The following BDNF variants were observed in gnomAD, a reference collection of about 807,000 sequenced individuals.
BDNF encodes the protein neurotrophic factor BDNF precursor form.
A neutral mutation model predicts 19.5 loss-of-function variants in BDNF; 1 was observed. The ratio of observed to expected loss-of-function variants is 0.05; its 90% CI spans 0.02 to 0.24. The LOEUF (loss-of-function observed/expected upper bound fraction) is 0.24, where lower values mean the gene tolerates loss of function less well. Ranked by LOEUF, BDNF falls within the 10% of genes least tolerant of loss-of-function variation. The pLI is 1.00. For missense variants in BDNF, 195 were observed against 317.6 expected, an observed-to-expected ratio of 0.61 and a Z score of 2.93; for synonymous variants, 100 against 121.6, an observed-to-expected ratio of 0.82 and a Z score of 1.17.
At chr11:27,698,541 C>T (rs1859461808) in intron 1 of BDNF, among the ~76,000 whole-genome samples, 1 of 151,962 alleles carries the variant, frequency 6.6e-6, no homozygotes, top group Non-Finnish European at 1.5e-5. Flanking sequence ...AATTGTAAGA[C>T]CAAAATGGCT....
At chr11:27,672,314 C>G (rs1217511002) in intron 1 of BDNF, among the ~76,000 whole-genome samples, 1 of 152,164 alleles carries the variant, frequency 6.6e-6, no homozygotes, top group African/African-American at 2.4e-5. Context: ...GATCCCTGAA[C>G]ATAGCCTAAT....
At chr11:27,714,050 A>G (rs1276842195) in intron 1 of BDNF, among the ~76,000 whole-genome samples, 1 of 152,254 alleles carries the variant, frequency 6.6e-6, no homozygotes, top group Non-Finnish European at 1.5e-5. Flanking sequence ...TAAATATGAC[A>G]TCTTTATAAA....
intron 1 of BDNF, among the ~76,000 whole-genome samples, chr11:27,686,613 CAT>C (rs1249811617): frequency 1.3e-5 from 2 of 152,156 alleles, no homozygotes; most frequent in African/African-American, 4.8e-5. Flanking sequence ...AATCTCTCAG[CAT>C]TTGCTCGTCT....
chr11:27,698,848 G>A (rs906241809), intron 1 of BDNF, among the ~76,000 whole-genome samples: 3 of 152,122 alleles, frequency 2.0e-5, no homozygotes, highest in Admixed American at 6.5e-5. Flanking sequence ...GTAAGTGCAG[G>A]ATAACTAGAG....
intron 1 of BDNF, among the ~76,000 whole-genome samples, chr11:27,717,165 T>G (rs1381077037): frequency 6.6e-6 from 1 of 152,002 alleles, no homozygotes; most frequent in African/African-American, 2.4e-5. Flanking sequence ...AGGGGAAGCT[T>G]ATTTATGTTG....
chr11:27,715,388 AG>A (rs1860473634), intron 1 of BDNF, among the ~76,000 whole-genome samples: 1 of 152,148 alleles, frequency 6.6e-6, no homozygotes, highest in African/African-American at 2.4e-5. Flanking sequence ...TCACAAGTAA[AG>A]GTAATGTACA....
chr11:27,696,648 A>G (rs1337246868), intron 1 of BDNF: 1 of 152,182 alleles, frequency 6.6e-6, no homozygotes, highest in Admixed American at 6.5e-5. Flanking sequence ...TTAAGCAACA[A>G]TTTTGCAATT....
At chr11:27,699,529 G>A in intron 1 of BDNF, 1 of 1,603,150 alleles carries the variant, frequency 6.2e-7, no homozygotes, top group East Asian at 2.2e-5. Flanking sequence ...AGAGATGTGG[G>A]TTCGGCCTGC....
intron 1 of BDNF, among the ~76,000 whole-genome samples, chr11:27,681,624 A>G (rs1273371615): frequency 6.6e-6 from 1 of 152,150 alleles, no homozygotes; most frequent in East Asian, 1.9e-4. Context: ...GAGAATTACA[A>G]CAAAACAGTT....
At chr11:27,700,967 ACACCTTCCCG>A (rs763765072), upstream of BDNF, 10 of 1,359,886 alleles carry the variant, frequency 7.4e-6, no homozygotes, top group African/African-American at 5.9e-5. Context: ...GGCCACAGAC[ACACCTTCCCG>A]CACCTTCCTG....
upstream of BDNF, among the ~76,000 whole-genome samples, chr11:27,704,094 C>G (rs187660639): frequency 6.6e-6 from 1 of 152,224 alleles, no homozygotes; most frequent in African/African-American, 2.4e-5. Context: ...ATGCATTTCT[C>G]TTCTTCTTAA....
upstream of BDNF, chr11:27,700,535 C>CCCCCCGA: frequency 1.5e-6 from 1 of 658,178 alleles, no homozygotes; most frequent in African/African-American, 2.4e-5. Flanking sequence ...CCCCCCCCCG[C>CCCCCCGA]CCCCCGCCCC....
upstream of BDNF, chr11:27,700,581 C>A: frequency 1.0e-6 from 1 of 958,578 alleles, no homozygotes; most frequent in Non-Finnish European, 1.2e-6. Flanking sequence ...GATACCCGTT[C>A]GAGGCGGCCG....
upstream of BDNF, among the ~76,000 whole-genome samples, chr11:27,704,587 G>A (rs890868582): frequency 3.9e-5 from 6 of 151,912 alleles, no homozygotes; most frequent in African/African-American, 1.5e-4. Context: ...CAAATAAGTT[G>A]GCCTAAAAAA....
rs1327082499 is a variant in BDNF at position 27,657,752 on chromosome 11, CCT to C, written c.*67_*68del. 29 of 1,584,818 alleles carry C rather than the reference CCT, an allele frequency of 1.8e-5. No homozygotes were observed. The highest frequency in any genetic ancestry group is 5.2e-5 in the Admixed American group (3 of 57,802). On this transcript the variant is annotated 3_prime_UTR_variant, in exon 2 of 2. Coordinates refer to ENST00000356660, the MANE Select transcript of BDNF (RefSeq NM_001709.5). The surrounding 1 kb of genome is among the most constrained non-coding windows in gnomAD (Gnocchi z 5.0). ...TTTTTTTCTTAACTGAATAATTTACCCTGTTATGTATATATACAAATAGATAA... is the reference window on the plus strand; with the variant it reads ...TTTTTTTCTTAACTGAATAATTTACCGTTATGTATATATACAAATAGATAA...
chr11:27,678,728 T>G (rs1343224059), intron 1 of BDNF, among the ~76,000 whole-genome samples: 2 of 152,148 alleles, frequency 1.3e-5, no homozygotes, highest in Non-Finnish European at 2.9e-5. Flanking sequence ...TCAAATACTT[T>G]TGAAAAGTCT....
Position 27,657,524 on chromosome 11 carries a change from C to T in BDNF, c.*297G>A. The T allele has an allele frequency of 8.7e-7, 1 of 1,145,548 alleles. No homozygotes were observed. Among genetic ancestry groups the T allele is most frequent in the Non-Finnish European group, 1.1e-6 (1 of 929,488 alleles). The allele number at this position is 1,145,548 out of a possible 1,614,324, so 71.0% of individuals were successfully genotyped here. On this transcript the variant is annotated 3_prime_UTR_variant, in exon 2 of 2. Coordinates refer to ENST00000356660, the MANE Select transcript of BDNF (RefSeq NM_001709.5). The surrounding 1 kb of genome is among the most constrained non-coding windows in gnomAD (Gnocchi z 5.0). ...ATCAATTCACAATTAAAGCAGCATG[C>T]AATTTATTATTTTTTTTAACTTTTT...
intron 1 of BDNF, among the ~76,000 whole-genome samples, chr11:27,671,800 C>G (rs896858399): frequency 1.3e-5 from 2 of 152,124 alleles, no homozygotes; most frequent in Admixed American, 6.6e-5. Flanking sequence ...TCCCCACCCT[C>G]ATTCCACCTA....
chr11:27,704,650 ACT>A (rs1453857887), upstream of BDNF, among the ~76,000 whole-genome samples: 5 of 152,282 alleles, frequency 3.3e-5, no homozygotes, highest in Admixed American at 6.5e-5. Context: ...TAAACAGAAA[ACT>A]CTGCTGTTGA....
Sources: allele counts gnomAD v4.1 joint callset (sites outside exome capture counted in the v4.1 genomes callset), GRCh38; gene constraint gnomAD v4.1.1; non-coding constraint Gnocchi (gnomAD v3.1); transcripts MANE v1.5; gene names NCBI Gene and HGNC (gene_info 2026-07-23, HGNC 2026-07-21).